The following ATP6V1H variants were observed in gnomAD, a reference collection of about 807,000 sequenced individuals.
The protein encoded by ATP6V1H is ATPase H+ transporting V1 subunit H.
Under a neutral mutation model 71.7 loss-of-function variants are expected in ATP6V1H, and 39 were observed. That is an observed-to-expected ratio of 0.54 (90% CI 0.42 to 0.71). The LOEUF (loss-of-function observed/expected upper bound fraction) is 0.71, where lower values mean the gene tolerates loss of function less well. Ranked by LOEUF, ATP6V1H falls within the 30% of genes least tolerant of loss-of-function variation. The probability of loss-of-function intolerance (pLI) is 0.00; values close to 1 mark genes in which losing one functional copy is unlikely to be tolerated. For missense variants in ATP6V1H, 509 were observed against 594.9 expected, an observed-to-expected ratio of 0.86 and a Z score of 1.50; for synonymous variants, 192 against 199.3, an observed-to-expected ratio of 0.96 and a Z score of 0.31.
At chr8:53,738,948 T>A (rs1359223162) in intron 13 of ATP6V1H, among the ~76,000 whole-genome samples, 1 of 152,148 alleles carries the variant, frequency 6.6e-6, no homozygotes, top group Non-Finnish European at 1.5e-5. Flanking sequence ...TTTTTAAAAA[T>A]CCAGTTATAT....
At chr8:53,757,103 T>C (rs1387404426) in intron 11 of ATP6V1H, among the ~76,000 whole-genome samples, 5 of 152,210 alleles carry the variant, frequency 3.3e-5, no homozygotes, top group African/African-American at 1.2e-4. Context: ...GCCCCAACTC[T>C]AACAGAAGAG....
intron 4 of ATP6V1H, among the ~76,000 whole-genome samples, chr8:53,821,076 A>C: frequency 6.7e-6 from 1 of 149,982 alleles, no homozygotes; most frequent in East Asian, 1.9e-4. Flanking sequence ...CAGAAAAAAA[A>C]AAAAGAGAGA....
intron 2 of ATP6V1H, among the ~76,000 whole-genome samples, chr8:53,841,218 C>T (rs1811330160): frequency 6.6e-6 from 1 of 152,180 alleles, no homozygotes; most frequent in African/African-American, 2.4e-5. Context: ...GCCACCTGCC[C>T]CCATGCTGAT....
intron 13 of ATP6V1H, among the ~76,000 whole-genome samples, chr8:53,730,573 G>A (rs1166552143): frequency 6.6e-6 from 1 of 152,038 alleles, no homozygotes; most frequent in Non-Finnish European, 1.5e-5. Context: ...CCTCAGTTAC[G>A]TAAGAGAACA....
chr8:53,768,397 C>G (rs2130306769), intron 11 of ATP6V1H, among the ~76,000 whole-genome samples: 1 of 152,258 alleles, frequency 6.6e-6, no homozygotes, highest in South Asian at 2.1e-4. Context: ...TGGTTAATCA[C>G]AGAGTTAACA....
intron 11 of ATP6V1H, among the ~76,000 whole-genome samples, chr8:53,765,399 C>CA (rs36191418): frequency 0.016 from 621 of 39,702 alleles, 11 homozygotes; most frequent in East Asian, 0.068. Context: ...GACTCTGTCT[C>CA]AAAAAAAAAA....
chr8:53,837,068 G>C (rs952339680), intron 2 of ATP6V1H, among the ~76,000 whole-genome samples: 80 of 151,936 alleles, frequency 5.3e-4, no homozygotes, highest in African/African-American at 1.8e-3. Flanking sequence ...TTGAACCCAA[G>C]AGGCGGAGGT....
intron 7 of ATP6V1H, chr8:53,806,867 G>A (rs985385593): frequency 2.2e-6 from 1 of 454,836 alleles, no homozygotes; most frequent in African/African-American, 2.0e-5. Context: ...TGCTGAAAGT[G>A]AAAATCATAA....
rs373096406 is a variant in ATP6V1H at position 53,829,535 on chromosome 8, TA to T, written c.217-3del. On this transcript the variant is annotated splice_region_variant and splice_polypyrimidine_tract_variant and intron_variant, in intron 3 of 13. Transcript: ENST00000359530. ...CAGATTTATAAATGTTTTAGCACAC[TA>T]AAAAAAAAAATGAAATTAAAGTTAT... 0.045 allele frequency: 49,485 copies of T among 1,093,804 alleles called. 2 individuals carry two copies. Among genetic ancestry groups the T allele is most frequent in the South Asian group, 0.06 (3,208 of 53,410 alleles). The allele number at this position is 1,093,804 out of a possible 1,614,324, so 67.8% of individuals were successfully genotyped here. A position where few individuals can be genotyped will look rare whatever the true frequency, so the allele number is the denominator to read the frequency against.
intron 9 of ATP6V1H, among the ~76,000 whole-genome samples, chr8:53,778,190 T>C (rs1295451664): frequency 6.6e-6 from 1 of 152,140 alleles, no homozygotes; most frequent in Non-Finnish European, 1.5e-5. Flanking sequence ...GTTATGATAG[T>C]TTTTAAAAAT....
At chr8:53,718,266 C>T (rs1285282000) in intron 13 of ATP6V1H, among the ~76,000 whole-genome samples, 2 of 152,220 alleles carry the variant, frequency 1.3e-5, no homozygotes, top group African/African-American at 2.4e-5. Flanking sequence ...CACAGGTGCG[C>T]TGTTCCAGCA....
At chr8:53,819,049 A>T (rs1281186028) in intron 4 of ATP6V1H, among the ~76,000 whole-genome samples, 1 of 151,190 alleles carries the variant, frequency 6.6e-6, no homozygotes, top group Non-Finnish European at 1.5e-5. Context: ...CTACAAAAAA[A>T]TAAAAAATTA....
intron 11 of ATP6V1H, among the ~76,000 whole-genome samples, chr8:53,766,020 G>C (rs954562899): frequency 1.3e-5 from 2 of 152,166 alleles, no homozygotes; most frequent in African/African-American, 2.4e-5. Flanking sequence ...AACAGAGCAA[G>C]GGCAATTCAT....
chr8:53,747,715 A>AT (rs200088912), intron 12 of ATP6V1H, among the ~76,000 whole-genome samples: 1 of 151,140 alleles, frequency 6.6e-6, no homozygotes, highest in Non-Finnish European at 1.5e-5. Context: ...AATTTTTTGT[A>AT]TTTTTTTAGT....
chr8:53,791,145 T>G (rs532166730), intron 9 of ATP6V1H, among the ~76,000 whole-genome samples: 5 of 152,162 alleles, frequency 3.3e-5, no homozygotes, highest in Non-Finnish European at 5.9e-5. Flanking sequence ...AGAATAAATT[T>G]ATTGAGTTGA....
chr8:53,833,774 T>C (rs1371865932), intron 2 of ATP6V1H, among the ~76,000 whole-genome samples: 2 of 152,028 alleles, frequency 1.3e-5, no homozygotes, highest in Non-Finnish European at 2.9e-5. Context: ...CTTCCCTCCC[T>C]CCCAATCATT....
At chr8:53,815,268 C>T (rs1309624260) in intron 5 of ATP6V1H, among the ~76,000 whole-genome samples, 1 of 152,168 alleles carries the variant, frequency 6.6e-6, no homozygotes, top group Non-Finnish European at 1.5e-5. Flanking sequence ...AATATCCTTT[C>T]TCCTGAAAGA....
intron 9 of ATP6V1H, among the ~76,000 whole-genome samples, chr8:53,772,996 CTAA>C (rs1273139771): frequency 1.3e-5 from 2 of 151,110 alleles, no homozygotes; most frequent in African/African-American, 4.9e-5. Flanking sequence ...AGTTCTATCC[CTAA>C]TAATAAGGCT....
At chr8:53,829,045 G>A (rs994866392) in intron 4 of ATP6V1H, among the ~76,000 whole-genome samples, 13 of 152,248 alleles carry the variant, frequency 8.5e-5, no homozygotes, top group East Asian at 7.7e-4. Context: ...CAAAAGCACC[G>A]AACCTCCAGG....
Sources: gnomAD v4.1 joint callset for allele counts (sites outside exome capture counted in the v4.1 genomes callset) on GRCh38, gnomAD v4.1.1 for gene constraint, MANE v1.5 for transcripts, NCBI Gene and HGNC (gene_info 2026-07-23, HGNC 2026-07-21) for gene names.